The following EPS15L1 variants were observed in gnomAD, a reference collection of about 807,000 sequenced individuals.
The protein encoded by EPS15L1 is epidermal growth factor receptor pathway substrate 15 like 1.
In EPS15L1, 43 loss-of-function variants were observed where a neutral mutation model predicts 117.1. The observed-to-expected ratio is 0.37, with a 90% CI of 0.29 to 0.47. The LOEUF is 0.47. Ranked by LOEUF, EPS15L1 falls within the 20% of genes least tolerant of loss-of-function variation. EPS15L1 has a pLI of 0.99. For missense variants in EPS15L1, 981 were observed against 1,164.0 expected (o/e 0.84, Z 2.29); for synonymous variants, 459 against 470.5 (o/e 0.98, Z 0.32).
intron 13 of EPS15L1, among the ~76,000 whole-genome samples, chr19:16,410,110 G>A (rs1480463305): frequency 6.6e-6 from 1 of 150,996 alleles, no homozygotes; most frequent in African/African-American, 2.5e-5. Flanking sequence ...CTCCAGCCTA[G>A]GCAACAGAGT....
intron 1 of EPS15L1, among the ~76,000 whole-genome samples, chr19:16,452,148 A>C (rs1021668359): frequency 6.6e-6 from 1 of 151,108 alleles, no homozygotes; most frequent in Non-Finnish European, 1.5e-5. Flanking sequence ...CAAAAAAAAA[A>C]AACCACACAA....
chr19:16,449,236 T>A (rs1413262351), intron 1 of EPS15L1, among the ~76,000 whole-genome samples: 1 of 151,188 alleles, frequency 6.6e-6, no homozygotes, highest in African/African-American at 2.4e-5. Context: ...TAACAAGATC[T>A]GATTTCTTAA....
rs775620242 is a variant in EPS15L1, at chr19:16,403,730, T to C, written c.1626+3A>G. 11 of 1,611,468 alleles carry C rather than the reference T, an allele frequency of 6.8e-6. No individual in the cohort carries two copies. The highest frequency in any genetic ancestry group is 2.2e-5 in the South Asian group (2 of 91,072). On this transcript the variant is annotated splice_donor_region_variant and intron_variant, in intron 15 of 23. Transcript: ENST00000455140. ...GTGGCAGGGACCCGACTCCGTGAAG[T>C]ACCTGGTTGATTTCGTCTTGCGTTG...
chr19:16,430,966 G>A (rs890969535), intron 7 of EPS15L1, among the ~76,000 whole-genome samples: 1 of 152,166 alleles, frequency 6.6e-6, no homozygotes, highest in African/African-American at 2.4e-5. Context: ...CGGGCACAGT[G>A]GCTCACGACT....
In EPS15L1 at chr19:16,377,354, G is replaced by A. The variant is rs1035662516; in HGVS notation, c.2248-100C>T. The A allele has an allele frequency of 9.4e-6, 13 of 1,389,666 alleles. No individual in the cohort carries two copies. The African/African-American group carries it at 1.9e-4, about 20-fold the overall frequency. The allele number at this position is 1,389,666 out of a possible 1,614,324, so 86.1% of individuals were successfully genotyped here. A position where few individuals can be genotyped will look rare whatever the true frequency, so the allele number is the denominator to read the frequency against. Reference sequence around the variant, plus strand: ...CTCATGCTCCAAGGGCCCTGGCAAGGCCTCCTACCCTCTGGACTGCACAAC... The same window carrying A: ...CTCATGCTCCAAGGGCCCTGGCAAGACCTCCTACCCTCTGGACTGCACAAC... On this transcript the variant is annotated intron_variant, in intron 21 of 23. Transcript: ENST00000455140.
chr19:16,453,667 C>G (rs1374750699), intron 1 of EPS15L1, among the ~76,000 whole-genome samples: 2 of 151,574 alleles, frequency 1.3e-5, no homozygotes, highest in East Asian at 1.9e-4. Flanking sequence ...GAGCCGACAT[C>G]GAGCCACTGC....
At chr19:16,359,681 T>C (rs768304959) in intron 23 of EPS15L1, among the ~76,000 whole-genome samples, 9 of 152,120 alleles carry the variant, frequency 5.9e-5, no homozygotes, top group Non-Finnish European at 1.3e-4. Flanking sequence ...GGTAGTAAAG[T>C]GAGACCTTGT....
Position 16,405,931 on chromosome 19 carries a change from G to A in EPS15L1, c.1267-1182C>T, listed in dbSNP as rs2092651773. Reference sequence around the variant, plus strand: ...CTCCTCCCTCCAGCTGCCATGTGGAGCGTGGTGCAAGGGGCCATCAGGACG... The same window carrying A: ...CTCCTCCCTCCAGCTGCCATGTGGAACGTGGTGCAAGGGGCCATCAGGACG... On this transcript the variant is annotated intron_variant, in intron 13 of 23. Coordinates refer to ENST00000455140, the MANE Select transcript of EPS15L1 (RefSeq NM_001258374.3). The surrounding 1 kb of genome is among the most constrained non-coding windows in gnomAD (Gnocchi z 4.0). Among the ~76,000 whole-genome samples, 1 of 152,246 alleles carries A rather than the reference G, an allele frequency of 6.6e-6. No individual in the cohort carries two copies. The highest frequency in any genetic ancestry group is 1.5e-5 in the Non-Finnish European group (1 of 68,040).
At chr19:16,465,825 C>T (rs969635506) in intron 1 of EPS15L1, among the ~76,000 whole-genome samples, 5 of 151,992 alleles carry the variant, frequency 3.3e-5, no homozygotes, top group African/African-American at 1.2e-4. Context: ...TAGGAGATGT[C>T]ATAAACTTAA....
At chr19:16,408,552 C>A (rs543725491) in intron 13 of EPS15L1, among the ~76,000 whole-genome samples, 2 of 151,658 alleles carry the variant, frequency 1.3e-5, no homozygotes, top group Admixed American at 1.3e-4. Context: ...CTCAGCTACT[C>A]GGGAGGCTGA....
In EPS15L1 at chr19:16,375,367, C is replaced by T. The variant is rs1299171588; in HGVS notation, c.2380+1755G>A. Among the ~76,000 whole-genome samples the T allele has an allele frequency of 3.3e-5, 5 of 152,048 alleles. No homozygotes were observed. The East Asian group carries it at 5.8e-4, about 18-fold the overall frequency. On this transcript the variant is annotated intron_variant, in intron 22 of 23. Transcript: ENST00000455140. ...ACACATGTGCATGCAAGAGCATACA[C>T]GTGTACGTGCACATACATGCATAAA...
chr19:16,435,461 C>T (rs925318936), intron 6 of EPS15L1, among the ~76,000 whole-genome samples: 1 of 152,274 alleles, frequency 6.6e-6, no homozygotes, highest in East Asian at 1.9e-4. Context: ...ACTTAACATT[C>T]CTGAACTGTA....
At chr19:16,356,057 G>A (rs1023618792) in intron 23 of EPS15L1, among the ~76,000 whole-genome samples, 86 of 152,252 alleles carry the variant, frequency 5.6e-4, no homozygotes, top group Admixed American at 2.6e-3. Flanking sequence ...CAGAGTGGAC[G>A]GGATGCATGT....
At position 16,365,044 on chromosome 19, in the gene EPS15L1, A is replaced by T. The variant is rs1032796317; in HGVS notation, c.2381-3060T>A. Among the ~76,000 whole-genome samples, 3 of 152,170 alleles carry T rather than the reference A, an allele frequency of 2.0e-5. No homozygotes were observed. Among genetic ancestry groups the T allele is most frequent in the Non-Finnish European group, 4.4e-5 (3 of 68,028 alleles). ...CAAACCCAGGGCTTCTTTCCTGGCTATGCCTTGTCCCTCTGCCTGGAAGGC... is the reference window on the plus strand; with the variant it reads ...CAAACCCAGGGCTTCTTTCCTGGCTTTGCCTTGTCCCTCTGCCTGGAAGGC... On this transcript the variant is annotated intron_variant, in intron 22 of 23. Coordinates refer to ENST00000455140, the MANE Select transcript of EPS15L1 (RefSeq NM_001258374.3). The surrounding 1 kb of genome is among the most constrained non-coding windows in gnomAD (Gnocchi z 4.9).
Position 16,413,554 on chromosome 19 carries a change from C to T in EPS15L1, c.1266+219G>A. 3 of 730,314 alleles carry T rather than the reference C, an allele frequency of 4.1e-6. No homozygotes were observed. In the South Asian group the frequency reaches 5.2e-5, roughly 13 times the overall value. 45.2% of individuals were successfully genotyped at this position (730,314 alleles called of 1,614,324 possible). The stretch of plus-strand genomic sequence containing the variant: ...AGAGTCTCCATGCAGAGCACCCAGG[C>T]TCCAGCTGTGGCTACAACATAGGGT... On this transcript the variant is annotated intron_variant, in intron 13 of 23. Coordinates refer to ENST00000455140, the MANE Select transcript of EPS15L1 (RefSeq NM_001258374.3).
At chr19:16,461,917 G>A (rs963720781) in intron 1 of EPS15L1, among the ~76,000 whole-genome samples, 17 of 152,180 alleles carry the variant, frequency 1.1e-4, no homozygotes, top group African/African-American at 4.1e-4. Context: ...TGCGCTCCTG[G>A]CTGCTGTTCC....
chr19:16,436,853 C>G (rs1185777030), intron 6 of EPS15L1, 84 bp downstream of exon 6: 1 of 1,144,658 alleles, frequency 8.7e-7, no homozygotes, highest in South Asian at 1.3e-5. Context: ...CAAACTAGAA[C>G]AATTCCAGAA....
intron 19 of EPS15L1, among the ~76,000 whole-genome samples, chr19:16,389,150 AAAAAG>A (rs997430051): frequency 4.6e-5 from 7 of 151,874 alleles, no homozygotes; most frequent in East Asian, 3.9e-4. Context: ...TTGGAAAAAA[AAAAAG>A]AAAAGAAAAG....
rs1052072932 is a variant in EPS15L1, at chr19:16,421,789, G to A, written c.793-313C>T. ...AGGGAGGCTGTGATCTTCAGGGGAT[G>A]GGTTCAAGCATGCCAGGAAAGACCC... On this transcript the variant is annotated intron_variant, in intron 9 of 23. Coordinates refer to ENST00000455140, the MANE Select transcript of EPS15L1 (RefSeq NM_001258374.3). 2.0e-5 allele frequency among the ~76,000 whole-genome samples: 3 copies of A among 152,226 alleles called. 1 individual carries two copies. Among genetic ancestry groups the A allele is most frequent in the African/African-American group, 7.2e-5 (3 of 41,522 alleles).
Sources: gnomAD v4.1 joint callset for allele counts (sites outside exome capture counted in the v4.1 genomes callset) on GRCh38, gnomAD v4.1.1 for gene constraint, Gnocchi (gnomAD v3.1) non-coding constraint, MANE v1.5 for transcripts, NCBI Gene and HGNC (gene_info 2026-07-23, HGNC 2026-07-21) for gene names.